The following ADAMTS12 variants were observed in gnomAD, a reference collection of about 807,000 sequenced individuals.
The protein encoded by ADAMTS12 is A disintegrin and metalloproteinase with thrombospondin motifs 12.
A neutral mutation model predicts 167.8 loss-of-function variants in ADAMTS12; 118 were observed. The observed-to-expected ratio is 0.70, with a 90% CI of 0.61 to 0.82. ADAMTS12 has a LOEUF of 0.82. Among genes scored for constraint, ADAMTS12 ranks in the 40% least tolerant of loss-of-function variants. The pLI is 0.00. For synonymous variants in ADAMTS12, 704 were observed against 716.9 expected (o/e 0.98, Z 0.29); for missense variants, 1,916 against 1,998.8 (o/e 0.96, Z 0.79).
chr5:33,649,868 T>C (rs755438318), intron 7 of ADAMTS12, among the ~76,000 whole-genome samples, 171 bp from the exon 8 acceptor site: 1 of 139,256 alleles, frequency 7.2e-6, no homozygotes, highest in African/African-American at 2.6e-5. Context: ...AATTTTCAAA[T>C]GAAAAAGGAC....
In ADAMTS12 at chr5:33,648,897, G is replaced by A. The variant is rs111792611; in HGVS notation, c.1404C>T (p.Pro468=). ...KKGLKSKVIA[P]GVIYDVHHQC... ...GGTGGTGAACATCATAGATCACTCC[G>A]GGGGCAATGACCTTGGACTTCAAGC... Residue 468 remains proline (P), a synonymous_variant, in exon 9 of 24, where the codon CCC becomes CCT. Coordinates refer to ENST00000504830, the MANE Select transcript of ADAMTS12 (RefSeq NM_030955.4). 44 of 1,613,986 alleles carry A rather than the reference G, an allele frequency of 2.7e-5. No individual in the cohort carries two copies. The highest frequency in any genetic ancestry group is 3.3e-4 in the Middle Eastern group (2 of 6,058).
In ADAMTS12 at chr5:33,849,433, T is replaced by C. The variant is rs139460049; in HGVS notation, c.489+31686A>G. ...CACAGCAATATATATATGTATTGAA[T>C]AGCAATATATATATGTATTGCACAG... On this transcript the variant is annotated intron_variant, in intron 2 of 23. Coordinates refer to ENST00000504830, the MANE Select transcript of ADAMTS12 (RefSeq NM_030955.4). 1.9e-3 allele frequency among the ~76,000 whole-genome samples: 221 copies of C among 115,082 alleles called. 8 individuals are homozygous for C. The highest frequency in any genetic ancestry group is 0.018 in the Middle Eastern group (2 of 110). The allele number at this position is 115,082 out of a possible 152,430, so 75.5% of individuals were successfully genotyped here. A position where few individuals can be genotyped will look rare whatever the true frequency, so the allele number is the denominator to read the frequency against.
intron 2 of ADAMTS12, among the ~76,000 whole-genome samples, chr5:33,836,920 T>C (rs1002175554): frequency 2.7e-5 from 4 of 148,644 alleles, no homozygotes; most frequent in East Asian, 4.5e-4. Context: ...TTAAAATTTT[T>C]TTTTTTTCTT....
At chr5:33,841,851 AT>A (rs1748757120) in intron 2 of ADAMTS12, among the ~76,000 whole-genome samples, 2 of 152,088 alleles carry the variant, frequency 1.3e-5, no homozygotes, top group African/African-American at 4.8e-5. Context: ...GAGAGAAGTA[AT>A]TTTTTATGCA....
At chr5:33,684,954 A>G (rs946183007) in intron 3 of ADAMTS12, among the ~76,000 whole-genome samples, 39 of 152,352 alleles carry the variant, frequency 2.6e-4, no homozygotes, top group African/African-American at 8.9e-4. Flanking sequence ...GGAAGCAGGT[A>G]CTTAACCCAA....
intron 7 of ADAMTS12, among the ~76,000 whole-genome samples, chr5:33,653,298 T>C (rs142862877): frequency 2.8e-4 from 42 of 152,266 alleles, no homozygotes; most frequent in African/African-American, 9.9e-4. Flanking sequence ...TTGTTTAGCC[T>C]GTTACAATGG....
At chr5:33,555,159 G>A (rs1393475471) in intron 20 of ADAMTS12, among the ~76,000 whole-genome samples, 2 of 152,094 alleles carry the variant, frequency 1.3e-5, no homozygotes, top group African/African-American at 4.8e-5. Flanking sequence ...ATGATGCATC[G>A]TTTTGCTGTC....
At chr5:33,778,172 C>A (rs942157713) in intron 2 of ADAMTS12, among the ~76,000 whole-genome samples, 1 of 152,012 alleles carries the variant, frequency 6.6e-6, no homozygotes, top group Admixed American at 6.6e-5. Flanking sequence ...GGAAAAAATT[C>A]TGAAATTCAT....
chr5:33,730,106 C>A (rs369894757), intron 3 of ADAMTS12, among the ~76,000 whole-genome samples: 1 of 152,150 alleles, frequency 6.6e-6, no homozygotes, highest in Non-Finnish European at 1.5e-5. Flanking sequence ...TACCCACCCA[C>A]GGGTAGAAAG....
At chr5:33,533,234 C>T (rs2111743893) in intron 23 of ADAMTS12, among the ~76,000 whole-genome samples, 1 of 152,308 alleles carries the variant, frequency 6.6e-6, no homozygotes, top group Admixed American at 6.5e-5. Context: ...AGCCCTAACA[C>T]TAGGCATGAT....
chr5:33,808,867 TC>T (rs1747338081), intron 2 of ADAMTS12, among the ~76,000 whole-genome samples: 1 of 152,228 alleles, frequency 6.6e-6, no homozygotes, highest in Admixed American at 6.5e-5. Context: ...GAATCTAGTT[TC>T]CGTGACTACT....
intron 21 of ADAMTS12, 36 bp downstream of exon 21, chr5:33,549,171 T>C (rs765451196): frequency 9.4e-6 from 15 of 1,598,836 alleles, no homozygotes; most frequent in Admixed American, 1.7e-5. Flanking sequence ...CTTGCCAGGT[T>C]GTGTGAGGAC....
chr5:33,877,625 GGGTAGTGAAAA>G (rs2111760940), intron 2 of ADAMTS12, among the ~76,000 whole-genome samples: 1 of 152,330 alleles, frequency 6.6e-6, no homozygotes, highest in South Asian at 2.1e-4. Flanking sequence ...GATGGGAGAA[GGGTAGTGAAAA>G]CGGTGGAGAT....
At chr5:33,816,609 C>T (rs1747663497) in intron 2 of ADAMTS12, among the ~76,000 whole-genome samples, 1 of 152,128 alleles carries the variant, frequency 6.6e-6, no homozygotes, top group African/African-American at 2.4e-5. Context: ...AGAATTACTA[C>T]TTAACAGTTA....
intron 2 of ADAMTS12, among the ~76,000 whole-genome samples, chr5:33,780,540 T>A (rs923872272): frequency 6.6e-6 from 1 of 152,260 alleles, no homozygotes; most frequent in Middle Eastern, 3.4e-3. Flanking sequence ...TTGGAAGCAC[T>A]GAAGGGAAAT....
intron 6 of ADAMTS12, among the ~76,000 whole-genome samples, chr5:33,659,018 GT>G (rs1359469179): frequency 6.6e-6 from 1 of 152,146 alleles, no homozygotes; most frequent in Non-Finnish European, 1.5e-5. Context: ...TAGTCACTAG[GT>G]TTTCTTTAGC....
At position 33,683,878 on chromosome 5, in the gene ADAMTS12, A is replaced by T. The variant is rs777668311; in HGVS notation, c.812T>A (p.Ile271Asn). ...GCATACCATGTTCATGATGGTGAGG[A>T]TGTAGGACTCCACATTCTCACTCCC... ...YHGSENVESY[I>N]LTIMNMVTGL... Residue 271 changes from isoleucine (I) to asparagine (N), a missense_variant, in exon 4 of 24, where the codon ATC (isoleucine) becomes AAC (asparagine). Ile to Asn is a moderately radical substitution (Grantham distance 149). Coordinates refer to ENST00000504830, the MANE Select transcript of ADAMTS12 (RefSeq NM_030955.4). 6.3e-7 allele frequency: 1 copy of T among 1,576,146 alleles called. No homozygotes were observed. The highest frequency in any genetic ancestry group is 2.3e-5 in the East Asian group (1 of 42,730).
chr5:33,667,557 T>C (rs1056714739), intron 5 of ADAMTS12, among the ~76,000 whole-genome samples: 6 of 152,154 alleles, frequency 3.9e-5, no homozygotes, highest in Non-Finnish European at 7.3e-5. Context: ...TGGGAGGATA[T>C]TGAAGCCCTG....
At position 33,682,946 on chromosome 5, in the gene ADAMTS12, G is replaced by C. The variant is rs745607606; in HGVS notation, c.915+72C>G. On this transcript the variant is annotated intron_variant, in intron 5 of 23. Coordinates refer to ENST00000504830, the MANE Select transcript of ADAMTS12 (RefSeq NM_030955.4). ...TGGTACCCTCTTTCTTGTCTACCAA[G>C]AACTCCCCTGAAAAAAAGAAGGTAG... 6.3e-6 allele frequency: 8 copies of C among 1,275,710 alleles called. No individual in the cohort carries two copies. The African/African-American group carries it at 7.5e-5, about 12-fold the overall frequency. The allele number at this position is 1,275,710 out of a possible 1,614,324, so 79.0% of individuals were successfully genotyped here. A position where few individuals can be genotyped will look rare whatever the true frequency, so the allele number is the denominator to read the frequency against.
Sources: allele counts gnomAD v4.1 joint callset (sites outside exome capture counted in the v4.1 genomes callset), GRCh38; gene constraint gnomAD v4.1.1; transcripts MANE v1.5; gene names NCBI Gene and HGNC (gene_info 2026-07-23, HGNC 2026-07-21).